SYNE3: variants seen among roughly 807,000 people sequenced by gnomAD.
SYNE3 encodes the protein nesprin-3.
A neutral mutation model predicts 111.2 loss-of-function variants in SYNE3; 100 were observed. That is an observed-to-expected ratio of 0.90 (90% CI 0.77 to 1.06). SYNE3 has a LOEUF of 1.06. SYNE3 is among the 50% of genes least tolerant of loss of function. The pLI is 0.00. For missense variants in SYNE3, 1,160 were observed against 1,240.3 expected, an observed-to-expected ratio of 0.94 and a Z score of 0.97; for synonymous variants, 547 against 533.9, an observed-to-expected ratio of 1.02 and a Z score of -0.34.
intron 2 of SYNE3, among the ~76,000 whole-genome samples, chr14:95,472,896 C>T (rs7143116): frequency 0.016 from 2,470 of 152,184 alleles, 69 homozygotes; most frequent in African/African-American, 0.056. Context: ...GACATCCTCC[C>T]GGCTGCATGG....
At chr14:95,484,465 T>C (rs1595247571) in intron 1 of SYNE3, among the ~76,000 whole-genome samples, 1 of 152,156 alleles carries the variant, frequency 6.6e-6, no homozygotes, top group African/African-American at 2.4e-5. Flanking sequence ...GCTGGCAGTG[T>C]GGGCGGAGCC....
At chr14:95,480,750 G>A (rs1889190922) in intron 1 of SYNE3, among the ~76,000 whole-genome samples, 1 of 150,582 alleles carries the variant, frequency 6.6e-6, no homozygotes. Flanking sequence ...ACTGGAAAAC[G>A]TGATGCAAAC....
chr14:95,495,905 G>A (rs2368590), intron 1 of SYNE3, among the ~76,000 whole-genome samples: 99,231 of 152,108 alleles, frequency 0.65, 33,021 homozygotes, highest in African/African-American at 0.79. Context: ...GAGGCTTGGG[G>A]TTATGGCAGC....
chr14:95,493,490 C>A (rs1889943687), intron 1 of SYNE3, among the ~76,000 whole-genome samples: 1 of 152,228 alleles, frequency 6.6e-6, no homozygotes, highest in African/African-American at 2.4e-5. Flanking sequence ...GCTGCTGAGC[C>A]AGACTGCTTC....
intron 1 of SYNE3, among the ~76,000 whole-genome samples, chr14:95,477,074 AC>A (rs1189612586): frequency 6.6e-6 from 1 of 152,256 alleles, no homozygotes; most frequent in Non-Finnish European, 1.5e-5. Flanking sequence ...TAAAAGCAAA[AC>A]AAAACATTAA....
At chr14:95,450,360 G>T in intron 7 of SYNE3, 1 of 526,156 alleles carries the variant, frequency 1.9e-6, no homozygotes, top group Admixed American at 3.4e-5. Flanking sequence ...GGGGCTCCTT[G>T]GGACCTGTAG....
rs546474186 is a variant in SYNE3 at position 95,454,914 on chromosome 14, C to T, written c.1137+463G>A. ...GGATGTCATGTCGGGGTCTGGGAAG[C>T]ACCCCCCACCACCGTGGGCCTCTGC... On this transcript the variant is annotated intron_variant, in intron 6 of 17. Transcript: ENST00000682763. Among the ~76,000 whole-genome samples, 3 of 152,278 alleles carry T rather than the reference C, an allele frequency of 2.0e-5. No homozygotes were observed. In the South Asian group the frequency reaches 6.2e-4, roughly 32 times the overall value.
chr14:95,510,756 C>A (rs1019646454), intron 1 of SYNE3, among the ~76,000 whole-genome samples: 1 of 152,170 alleles, frequency 6.6e-6, no homozygotes, highest in African/African-American at 2.4e-5. Context: ...CCATTGCACT[C>A]CAGCCTGGGC....
intron 16 of SYNE3, among the ~76,000 whole-genome samples, chr14:95,432,346 C>T (rs139821339): frequency 2.5e-3 from 380 of 152,272 alleles, no homozygotes; most frequent in Non-Finnish European, 3.7e-3. Context: ...TGGCCAAGGC[C>T]GGCGGGGGCC....
intron 1 of SYNE3, among the ~76,000 whole-genome samples, chr14:95,499,960 A>T (rs1890271233): frequency 6.8e-6 from 1 of 146,014 alleles, no homozygotes; most frequent in African/African-American, 2.5e-5. Flanking sequence ...CCCATGTTCA[A>T]GCAATTCTCC....
At chr14:95,465,278 G>A (rs962887727) in intron 4 of SYNE3, among the ~76,000 whole-genome samples, 5 of 152,082 alleles carry the variant, frequency 3.3e-5, no homozygotes, top group African/African-American at 9.7e-5. Flanking sequence ...TCAGTCAGTC[G>A]GTCAACACAC....
At chr14:95,422,748 C>T (rs1456670189) in intron 17 of SYNE3, among the ~76,000 whole-genome samples, 1 of 152,212 alleles carries the variant, frequency 6.6e-6, no homozygotes, top group African/African-American at 2.4e-5. Context: ...AGGGTGCGCC[C>T]GCCCCACTGC....
At position 95,444,580 on chromosome 14, in the gene SYNE3, G is replaced by A; in HGVS notation, c.1681C>T (p.Gln561Ter). The change falls in exon 10 of 18, where the codon CAG (glutamine) becomes TAG (stop). Residue 561 changes from glutamine (Q) to a stop codon, truncating the protein, a stop_gained. Coordinates refer to ENST00000682763, the MANE Select transcript of SYNE3 (RefSeq NM_152592.6). LOFTEE classifies it high-confidence loss of function. ...ACCTGGAGGTCCAAGAGCTTCCTCT[G>A]CAGGGGCTCAAAAGCTGCTCCAAAG... ...KDFGAAFEPL[Q>*]RKLLDLQVRV... is the part of the protein sequence containing the mutation. The A allele has an allele frequency of 6.2e-7, 1 of 1,613,102 alleles. No homozygotes were observed. The highest frequency in any genetic ancestry group is 8.5e-7 in the Non-Finnish European group (1 of 1,179,244).
In SYNE3 at chr14:95,407,321, A is replaced by G. The variant is rs987571326; in HGVS notation, c.*10505T>C. 1 of 152,226 alleles carries G rather than the reference A, an allele frequency of 6.6e-6. No homozygotes were observed. The highest frequency in any genetic ancestry group is 1.5e-5 in the Non-Finnish European group (1 of 68,044). 9.4% of individuals were successfully genotyped at this position (152,226 alleles called of 1,614,324 possible). On this transcript the variant is annotated 3_prime_UTR_variant, in exon 18 of 18. Transcript: ENST00000682763. ...CCAAACACAAAGCAGATACATTTTTAAAAACATAAAACAACAGCAAAAACG... is the reference window on the plus strand; with the variant it reads ...CCAAACACAAAGCAGATACATTTTTGAAAACATAAAACAACAGCAAAAACG...
chr14:95,467,916 G>A lies in SYNE3; in HGVS notation c.196C>T (p.Arg66Trp), dbSNP rs148002580. ...EGRVRVDLVLRMAEALLACCP... is the reference protein window; with the variant it reads ...EGRVRVDLVLWMAEALLACCP... ...CATGCCAAGAGGGCTTCAGCCATCC[G>A]TAGCACGAGGTCCACCCTCACACGC... The change falls in exon 3 of 18, where the codon CGG becomes TGG. Residue 66 changes from arginine to tryptophan, a missense_variant. Physicochemically the swap from Arg to Trp is moderately radical, Grantham distance 101 (BLOSUM62 -3). Transcript: ENST00000682763. 46 of 1,614,008 alleles carry A rather than the reference G, an allele frequency of 2.9e-5. No individual in the cohort carries two copies. Among genetic ancestry groups the A allele is most frequent in the Middle Eastern group, 1.6e-4 (1 of 6,082 alleles).
chr14:95,486,828 A>G (rs1214185832), intron 1 of SYNE3, among the ~76,000 whole-genome samples: 1 of 152,176 alleles, frequency 6.6e-6, no homozygotes. Context: ...TAAACTTCAC[A>G]TAAAACTCAT....
In SYNE3 at chr14:95,457,258, C is replaced by A; in HGVS notation, c.708G>T (p.Leu236=). Residue 236 remains leucine (L), a synonymous_variant, in exon 5 of 18, where the codon CTG becomes CTT. Coordinates refer to ENST00000682763, the MANE Select transcript of SYNE3 (RefSeq NM_152592.6). ...CATTCACCTTCTCCACCACCGCCTT[C>A]AGCCACAGTTGGAACTCGTCCACAC... ...QAGVDEFQLW[L]KAVVEKVNGC... is the part of the protein sequence containing the mutation. The A allele has an allele frequency of 6.2e-7, 1 of 1,614,168 alleles. No individual in the cohort carries two copies. The highest frequency in any genetic ancestry group is 8.5e-7 in the Non-Finnish European group (1 of 1,180,038).
chr14:95,506,763 A>C (rs7156281), intron 1 of SYNE3, among the ~76,000 whole-genome samples: 61,516 of 151,932 alleles, frequency 0.4, 13,346 homozygotes, highest in African/African-American at 0.55. Flanking sequence ...GTTATCTCAT[A>C]TGAGCCTCAC....
intron 9 of SYNE3, among the ~76,000 whole-genome samples, chr14:95,444,940 G>A (rs184711285): frequency 6.6e-6 from 1 of 152,352 alleles, no homozygotes; most frequent in Non-Finnish European, 1.5e-5. Context: ...ACCCAGCCAT[G>A]CCCATACATT....
Sources: gnomAD v4.1 joint callset for allele counts (sites outside exome capture counted in the v4.1 genomes callset) on GRCh38, gnomAD v4.1.1 for gene constraint, MANE v1.5 for transcripts, NCBI Gene and HGNC (gene_info 2026-07-23, HGNC 2026-07-21) for gene names.